Variants in C8orf34 observed in about 807,000 individuals in gnomAD.
C8orf34 encodes chromosome 8 open reading frame 34.
In C8orf34, 65 loss-of-function variants were observed where a neutral mutation model predicts 68.3. The ratio of observed to expected loss-of-function variants is 0.95; its 90% CI spans 0.78 to 1.17. C8orf34 has a LOEUF of 1.17. Ranked by LOEUF, C8orf34 falls within the 50% of genes most tolerant of loss-of-function variation. The pLI is 0.00. For missense variants in C8orf34, 664 were observed against 655.4 expected (o/e 1.01, Z -0.14); for synonymous variants, 244 against 241.2 (o/e 1.01, Z -0.11).
intron 7 of C8orf34, among the ~76,000 whole-genome samples, chr8:68,619,284 C>CCACT (rs1198891952): frequency 6.6e-6 from 1 of 152,116 alleles, no homozygotes; most frequent in Admixed American, 6.6e-5. Flanking sequence ...CAAGATCACG[C>CCACT]CACTGCACTC....
At chr8:68,464,512 A>G (rs1812013372) in intron 3 of C8orf34, among the ~76,000 whole-genome samples, 1 of 152,000 alleles carries the variant, frequency 6.6e-6, no homozygotes, top group African/African-American at 2.4e-5. Context: ...AGCCAAAAGA[A>G]CAAAGCTGGA....
intron 7 of C8orf34, among the ~76,000 whole-genome samples, chr8:68,560,146 T>G (rs1163266113): frequency 2.1e-5 from 2 of 93,490 alleles, no homozygotes; most frequent in African/African-American, 6.8e-5. Context: ...ATTCTGGTGT[T>G]TTTTTTTTTT....
At chr8:68,768,261 G>T (rs1790664849) in intron 10 of C8orf34, among the ~76,000 whole-genome samples, 1 of 152,120 alleles carries the variant, frequency 6.6e-6, no homozygotes, top group Non-Finnish European at 1.5e-5. Flanking sequence ...TACAGGATGT[G>T]CCAAGCTTAC....
chr8:68,420,126 C>G (rs1809893921), intron 1 of C8orf34, among the ~76,000 whole-genome samples: 1 of 151,128 alleles, frequency 6.6e-6, no homozygotes, highest in Non-Finnish European at 1.5e-5. Flanking sequence ...TTTGGGGCTA[C>G]TTTTTCCTTG....
At chr8:68,599,862 G>A (rs1817648053) in intron 7 of C8orf34, among the ~76,000 whole-genome samples, 1 of 151,950 alleles carries the variant, frequency 6.6e-6, no homozygotes, top group Admixed American at 6.6e-5. Context: ...GTATATGTGT[G>A]TGTATACAGA....
intron 1 of C8orf34, among the ~76,000 whole-genome samples, chr8:68,396,033 A>G (rs1808690034): frequency 6.6e-6 from 1 of 152,090 alleles, no homozygotes; most frequent in Non-Finnish European, 1.5e-5. Context: ...CAAATGGCAT[A>G]TTATTATACC....
At chr8:68,350,185 A>G (rs562549737) in intron 1 of C8orf34, among the ~76,000 whole-genome samples, 1 of 151,774 alleles carries the variant, frequency 6.6e-6, no homozygotes, top group Non-Finnish European at 1.5e-5. Context: ...CATTATTTTC[A>G]AAGAACTTCT....
chr8:68,630,990 G>T (rs1224880823), intron 7 of C8orf34, among the ~76,000 whole-genome samples: 2 of 146,644 alleles, frequency 1.4e-5, no homozygotes, highest in Non-Finnish European at 3.0e-5. Flanking sequence ...CCCAGCCAAG[G>T]TTCATGGCTC....
At chr8:68,717,336 G>C (rs1354285537) in intron 9 of C8orf34, among the ~76,000 whole-genome samples, 1 of 151,982 alleles carries the variant, frequency 6.6e-6, no homozygotes, top group Non-Finnish European at 1.5e-5. Flanking sequence ...TCACCCAGGC[G>C]GGGCCCGGGT....
At chr8:68,332,951 C>T (rs1441060604) in intron 1 of C8orf34, among the ~76,000 whole-genome samples, 2 of 152,112 alleles carry the variant, frequency 1.3e-5, no homozygotes, top group Non-Finnish European at 2.9e-5. Flanking sequence ...AAGCCTAAAA[C>T]CTTCTGCAAC....
intron 8 of C8orf34, among the ~76,000 whole-genome samples, chr8:68,665,841 T>C (rs1455721316): frequency 6.6e-6 from 1 of 152,148 alleles, no homozygotes; most frequent in East Asian, 1.9e-4. Context: ...TTTCACTCCA[T>C]GCTCCTGGAT....
chr8:68,722,769 G>T (rs1756767159), intron 10 of C8orf34, among the ~76,000 whole-genome samples: 1 of 151,802 alleles, frequency 6.6e-6, no homozygotes, highest in Non-Finnish European at 1.5e-5. Flanking sequence ...CACACAGTAG[G>T]CCCATAATAT....
chr8:68,500,144 A>C (rs184639317), intron 5 of C8orf34, among the ~76,000 whole-genome samples: 3 of 152,310 alleles, frequency 2.0e-5, no homozygotes, highest in African/African-American at 7.2e-5. Flanking sequence ...GAGCCAATTA[A>C]ACCTCTTCTT....
chr8:68,637,727 GT>G (rs370180718), intron 7 of C8orf34, among the ~76,000 whole-genome samples: 1 of 152,114 alleles, frequency 6.6e-6, no homozygotes, highest in South Asian at 2.1e-4. Flanking sequence ...TAATAATAGG[GT>G]TTTTTTGTGA....
intron 5 of C8orf34, among the ~76,000 whole-genome samples, chr8:68,501,005 C>A (rs980310056): frequency 6.6e-6 from 1 of 151,928 alleles, no homozygotes; most frequent in South Asian, 2.1e-4. Flanking sequence ...TCTTGAAGAA[C>A]CTGTGCAACT....
chr8:68,735,093 A>G (rs1022598238), intron 10 of C8orf34, among the ~76,000 whole-genome samples: 3 of 152,200 alleles, frequency 2.0e-5, no homozygotes, highest in African/African-American at 7.2e-5. Flanking sequence ...GTAAGTAACT[A>G]CAGTTAATGG....
At chr8:68,428,788 T>C (rs1440439195) in intron 1 of C8orf34, among the ~76,000 whole-genome samples, 1 of 152,118 alleles carries the variant, frequency 6.6e-6, no homozygotes, top group Non-Finnish European at 1.5e-5. Context: ...AGTCTAAAAA[T>C]AGGCCTGTGA....
At chr8:68,741,435 T>A (rs1822290005) in intron 10 of C8orf34, among the ~76,000 whole-genome samples, 1 of 152,196 alleles carries the variant, frequency 6.6e-6, no homozygotes. Flanking sequence ...GGGGTATTCA[T>A]AACCTCAAGC....
At chr8:68,650,725 C>A (rs560660006) in intron 8 of C8orf34, among the ~76,000 whole-genome samples, 1 of 151,968 alleles carries the variant, frequency 6.6e-6, no homozygotes, top group Admixed American at 6.5e-5. Context: ...GTGATCCGCC[C>A]GCCTCGGCCT....
Sources: gnomAD v4.1 joint callset for allele counts (sites outside exome capture counted in the v4.1 genomes callset) on GRCh38, gnomAD v4.1.1 for gene constraint, MANE v1.5 for transcripts, NCBI Gene and HGNC (gene_info 2026-07-23, HGNC 2026-07-21) for gene names.